The following TSEN54 variants were observed in gnomAD, a reference collection of about 807,000 sequenced individuals.
TSEN54 encodes tRNA splicing endonuclease subunit 54.
In TSEN54, 55 loss-of-function variants were observed where a neutral mutation model predicts 61.9. The ratio of observed to expected loss-of-function variants is 0.89; its 90% confidence interval spans 0.72 to 1.11. The LOEUF (loss-of-function observed/expected upper bound fraction) is 1.11, where lower values mean the gene tolerates loss of function less well. TSEN54 is among the 50% of genes most tolerant of loss of function. The probability of loss-of-function intolerance (pLI) is 0.00; values close to 1 mark genes in which losing one functional copy is unlikely to be tolerated. For synonymous variants in TSEN54, 304 were observed against 288.7 expected (o/e 1.05, Z -0.54); for missense variants, 760 against 687.7 (o/e 1.11, Z -1.18).
In TSEN54 at chr17:75,522,325, G is replaced by C. The variant is rs1355077540; in HGVS notation, c.1244G>C (p.Ser415Thr). ...CCGCTGCTGAGTCCTGGCCAGGCCA[G>C]CTCCCCAGGTACCCCCTCAGCCTGC... ...VTPLLSPGQA[S>T]SPAVVLQHIS... The change falls in exon 8 of 11, where the codon AGC (serine) becomes ACC (threonine). Residue 415 changes from serine (S) to threonine (T), a missense_variant. Physicochemically the swap from Ser to Thr is moderately conservative, Grantham distance 58. This residue lies in a region of TSEN54 where 667 missense variants were observed against 577.8 expected (regional missense o/e 1.15). Coordinates refer to ENST00000333213, the MANE Select transcript of TSEN54 (RefSeq NM_207346.3). 1.9e-6 allele frequency: 3 copies of C among 1,545,056 alleles called. No homozygotes were observed. Among genetic ancestry groups the C allele is most frequent in the Non-Finnish European group, 2.6e-6 (3 of 1,146,840 alleles).
chr17:75,524,299 C>T lies in TSEN54; in HGVS notation c.1468C>T (p.Arg490Trp), dbSNP rs144662042. 24,275 of 1,614,166 alleles carry T rather than the reference C, an allele frequency of 0.015. 264 individuals are homozygous for T. Among genetic ancestry groups the T allele is most frequent in the Non-Finnish European group, 0.017 (20,341 of 1,180,032 alleles). The part of the protein sequence containing the change: ...EPVPDLCSLK[R>W]LSYQSGDVPL... Reference sequence around the variant, plus strand: ...TGTCCCAGACCTCTGCAGCCTCAAGCGGTTGTCTTACCAGAGTGGGGATGT... The same window carrying T: ...TGTCCCAGACCTCTGCAGCCTCAAGTGGTTGTCTTACCAGAGTGGGGATGT... Residue 490 changes from arginine (R) to tryptophan (W), a missense_variant, in exon 11 of 11, where the codon CGG becomes TGG. By Grantham distance (101) the Arg-to-Trp change is moderately radical. This residue lies in a region of TSEN54 where 83 missense variants were observed against 82.9 expected (regional missense o/e 1.00). Transcript: ENST00000333213.
chr17:75,523,270 T>C lies in TSEN54; in HGVS notation c.1253-5T>C. The C allele has an allele frequency of 6.2e-7, 1 of 1,614,102 alleles. No individual in the cohort carries two copies. Among genetic ancestry groups the C allele is most frequent in the South Asian group, 1.1e-5 (1 of 91,082 alleles). The stretch of plus-strand genomic sequence containing the variant: ...CCCAGTACCTTGTTTTCTGTGTCCT[T>C]GTAGCCGTGGTCCTTCAGCATATCT... On this transcript the variant is annotated splice_region_variant and splice_polypyrimidine_tract_variant and intron_variant, in intron 8 of 10. Coordinates refer to ENST00000333213, the MANE Select transcript of TSEN54 (RefSeq NM_207346.3).
At chr17:75,521,664 A>G in intron 7 of TSEN54, 41 bp from the exon 8 acceptor site, 1 of 1,605,042 alleles carries the variant, frequency 6.2e-7, no homozygotes. Context: ...GCACCTTAGC[A>G]ACCAGGGGCA....
intron 5 of TSEN54, chr17:75,518,513 G>C (rs1294663131): frequency 1.0e-6 from 1 of 985,030 alleles, no homozygotes; most frequent in African/African-American, 1.7e-5. Context: ...CAAGCAGGAT[G>C]GGGGACATTC....
Position 75,516,922 on chromosome 17 carries a change from G to A in TSEN54, c.221+12G>A, listed in dbSNP as rs1252127426. On this transcript the variant is annotated intron_variant, in intron 2 of 10. Coordinates refer to ENST00000333213, the MANE Select transcript of TSEN54 (RefSeq NM_207346.3). ...CGCGTGGAGCGCCTGTGAGAGGGGC[G>A]GGCCCAGGGGTAAGGGAAGCGGGGG... 3.2e-6 allele frequency: 5 copies of A among 1,541,338 alleles called. No individual in the cohort carries two copies. The highest frequency in any genetic ancestry group is 1.2e-5 in the South Asian group (1 of 84,706).
chr17:75,521,625 G>A (rs1379032783), intron 7 of TSEN54, 80 bp from the exon 8 acceptor site: 2 of 1,575,780 alleles, frequency 1.3e-6, no homozygotes, highest in Non-Finnish European at 1.7e-6. Context: ...GACACTAGGG[G>A]ACCTGCCTTC....
In TSEN54 at chr17:75,517,160, G is replaced by C. The variant is rs1024222577; in HGVS notation, c.286-1G>C. 3 of 1,566,396 alleles carry C rather than the reference G, an allele frequency of 1.9e-6. No homozygotes were observed. The highest frequency in any genetic ancestry group is 2.8e-5 in the African/African-American group (2 of 72,246). The stretch of plus-strand genomic sequence containing the variant: ...TGACACTTGCTCTGGGCCCCACACA[G>C]GGCAAATTCTGGCAGACCATGGGCT... On this transcript the variant is annotated splice_acceptor_variant, in intron 3 of 10. Coordinates refer to ENST00000333213, the MANE Select transcript of TSEN54 (RefSeq NM_207346.3). LOFTEE classifies it high-confidence loss of function.
At chr17:75,523,160 C>CA in intron 8 of TSEN54, 115 bp from the exon 9 acceptor site, 2 of 1,364,812 alleles carry the variant, frequency 1.5e-6, no homozygotes, top group Non-Finnish European at 2.1e-6. Context: ...GCCTGGGTGA[C>CA]AGAGTGAGAC....
rs138082130 is a variant in TSEN54 at position 75,519,107 on chromosome 17, C to T, written c.521+60C>T. The stretch of plus-strand genomic sequence containing the variant: ...TAGTCCTGGGACCTGGCTGACTAGT[C>T]TAAGGTAGAAAATGGCCTCTCCTTA... On this transcript the variant is annotated intron_variant, in intron 6 of 10. Transcript: ENST00000333213. The T allele has an allele frequency of 5.3e-4, 853 of 1,594,978 alleles. 6 individuals are homozygous for T. In the African/African-American group the frequency reaches 0.01, roughly 19 times the overall value.
Position 75,522,305 on chromosome 17 carries a change from G to T in TSEN54, c.1224G>T (p.Leu408=), listed in dbSNP as rs1018296711. The change falls in exon 8 of 11, where the codon CTG becomes CTT. Residue 408 remains leucine (L), a synonymous_variant. Coordinates refer to ENST00000333213, the MANE Select transcript of TSEN54 (RefSeq NM_207346.3). ...PHLWGQPVTP[L]LSPGQASSPA... ...TGTGGGGCCAGCCCGTCACCCCGCT[G>T]CTGAGTCCTGGCCAGGCCAGCTCCC... The T allele has an allele frequency of 3.2e-6, 5 of 1,545,698 alleles. No individual in the cohort carries two copies. Among genetic ancestry groups the T allele is most frequent in the Non-Finnish European group, 4.4e-6 (5 of 1,146,822 alleles).
At position 75,522,302 on chromosome 17, in the gene TSEN54, G is replaced by A. The variant is rs989636802; in HGVS notation, c.1221G>A (p.Pro407=). The A allele has an allele frequency of 7.4e-5, 114 of 1,545,742 alleles. No homozygotes were observed. Among genetic ancestry groups the A allele is most frequent in the Non-Finnish European group, 9.6e-5 (110 of 1,146,816 alleles). ...APHLWGQPVT[P]LLSPGQASSP... ...ACCTGTGGGGCCAGCCCGTCACCCC[G>A]CTGCTGAGTCCTGGCCAGGCCAGCT... Residue 407 remains proline (P), a synonymous_variant, in exon 8 of 11, where the codon CCG becomes CCA. Transcript: ENST00000333213.
intron 6 of TSEN54, among the ~76,000 whole-genome samples, chr17:75,520,528 G>A (rs913743570): frequency 6.8e-6 from 1 of 147,798 alleles, no homozygotes; most frequent in African/African-American, 2.5e-5. Context: ...TGAGGTTGCA[G>A]TGAGCCGAGA....
intron 4 of TSEN54, 142 bp from the exon 5 acceptor site, chr17:75,517,415 G>A: frequency 8.8e-7 from 1 of 1,132,820 alleles, no homozygotes; most frequent in Non-Finnish European, 1.3e-6. Context: ...CATTAGTGAT[G>A]CTGCCCCACT....
chr17:75,522,294 G>A lies in TSEN54; in HGVS notation c.1213G>A (p.Val405Ile), dbSNP rs1247649426. The change falls in exon 8 of 11, where the codon GTC becomes ATC. Residue 405 changes from valine (V) to isoleucine (I), a missense_variant. Val to Ile is a conservative substitution (Grantham distance 29). Coordinates refer to ENST00000333213, the MANE Select transcript of TSEN54 (RefSeq NM_207346.3). ...GGCCCCTCACCTGTGGGGCCAGCCC[G>A]TCACCCCGCTGCTGAGTCCTGGCCA... Reference protein sequence around the residue: ...RRAPHLWGQPVTPLLSPGQAS... With the variant: ...RRAPHLWGQPITPLLSPGQAS... 13 of 1,545,998 alleles carry A rather than the reference G, an allele frequency of 8.4e-6. No homozygotes were observed. Among genetic ancestry groups the A allele is most frequent in the Admixed American group, 2.0e-5 (1 of 50,982 alleles).
rs938471217 is a variant in TSEN54, at chr17:75,523,808, C to A, written c.1430+29C>A. On this transcript the variant is annotated intron_variant, in intron 10 of 10. Coordinates refer to ENST00000333213, the MANE Select transcript of TSEN54 (RefSeq NM_207346.3). ...CGCAGTGAGCCAGCACTGCCCCTCC[C>A]CCAGCTGCTGCCAGTTCTCCTGTGA... 24 of 1,608,846 alleles carry A rather than the reference C, an allele frequency of 1.5e-5. No individual in the cohort carries two copies. In the East Asian group the frequency reaches 3.8e-4, roughly 25 times the overall value.
At position 75,521,776 on chromosome 17, in the gene TSEN54, C is replaced by T; in HGVS notation, c.695C>T (p.Pro232Leu). 1.2e-6 allele frequency: 2 copies of T among 1,612,908 alleles called. No homozygotes were observed. Among genetic ancestry groups the T allele is most frequent in the Non-Finnish European group, 1.7e-6 (2 of 1,179,970 alleles). Residue 232 changes from proline to leucine, a missense_variant, in exon 8 of 11, where the codon CCT (proline) becomes CTT (leucine). Transcript: ENST00000333213. ...QPKSLAASSP[P>L]PCSQPSQCPE... Reference sequence around the variant, plus strand: ...AAGAGTCTGGCAGCCTCCAGCCCACCTCCCTGCAGCCAGCCCAGCCAATGC... The same window carrying T: ...AAGAGTCTGGCAGCCTCCAGCCCACTTCCCTGCAGCCAGCCCAGCCAATGC...
intron 5 of TSEN54, chr17:75,518,745 C>G: frequency 1.0e-6 from 1 of 985,374 alleles, no homozygotes; most frequent in Non-Finnish European, 1.2e-6. Flanking sequence ...TCATGGCTAT[C>G]AGTTTTTTTG....
rs1450379236 is a variant in TSEN54 at position 75,517,501 on chromosome 17, TC to T, written c.370-54del. On this transcript the variant is annotated intron_variant, in intron 4 of 10. Transcript: ENST00000333213. Reference sequence around the variant, plus strand: ...TATCAGAGCTGGGAAGTTGCCCCATTCCTCTGTGGCACTGTAGTGAGGGCTC... The same window carrying T: ...TATCAGAGCTGGGAAGTTGCCCCATTCTCTGTGGCACTGTAGTGAGGGCTC... 4.7e-6 allele frequency: 7 copies of T among 1,500,882 alleles called. No individual in the cohort carries two copies. The Admixed American group carries it at 1.2e-4, about 25-fold the overall frequency. The allele number at this position is 1,500,882 out of a possible 1,614,324, so 93.0% of individuals were successfully genotyped here. A position where few individuals can be genotyped will look rare whatever the true frequency, so the allele number is the denominator to read the frequency against.
intron 6 of TSEN54, among the ~76,000 whole-genome samples, chr17:75,519,535 T>C (rs1290978596): frequency 6.6e-6 from 1 of 152,198 alleles, no homozygotes; most frequent in Non-Finnish European, 1.5e-5. Flanking sequence ...GCAGTTACAG[T>C]ATGTCACAAA....
Sources: gnomAD v4.1 joint callset for allele counts (sites outside exome capture counted in the v4.1 genomes callset) on GRCh38, gnomAD v4.1.1 for gene constraint, gnomAD v4.1.1 regional missense constraint, MANE v1.5 for transcripts, NCBI Gene and HGNC (gene_info 2026-07-23, HGNC 2026-07-21) for gene names.